Variants in HLCS observed in about 807,000 individuals in gnomAD.
The protein encoded by HLCS is holocarboxylase synthetase, also known as biotin--protein ligase.
A neutral mutation model predicts 75.0 loss-of-function variants in HLCS; 53 were observed. That is an observed-to-expected ratio of 0.71 (90% CI 0.57 to 0.89). The LOEUF (loss-of-function observed/expected upper bound fraction) is 0.89. Ranked by LOEUF, HLCS falls within the 40% of genes least tolerant of loss-of-function variation. The pLI is 0.00. For missense variants in HLCS, 966 were observed against 1,074.0 expected (o/e 0.90, Z 1.41); for synonymous variants, 431 against 428.6 (o/e 1.01, Z -0.07).
chr21:36,974,608 T>A (rs1444954402), intron 1 of HLCS: 1 of 152,212 alleles, frequency 6.6e-6, no homozygotes, highest in Admixed American at 6.5e-5. Flanking sequence ...TAATCTGTTA[T>A]GACTGGTATC....
At chr21:36,806,886 G>A (rs61287652) in intron 6 of HLCS, among the ~76,000 whole-genome samples, 3,593 of 152,210 alleles carry the variant, frequency 0.024, 64 homozygotes, top group Middle Eastern at 0.044. Context: ...AGGTGTCAGC[G>A]GGCACTGTGG....
chr21:36,955,931 C>G (rs1033328041), intron 2 of HLCS, among the ~76,000 whole-genome samples: 1 of 152,154 alleles, frequency 6.6e-6, no homozygotes, highest in African/African-American at 2.4e-5. Flanking sequence ...CCTACAGTAT[C>G]CAATGCAGTA....
At chr21:36,897,178 T>G (rs1288804181) in intron 5 of HLCS, 47 bp from the exon 6 acceptor site, 2 of 1,605,038 alleles carry the variant, frequency 1.2e-6, no homozygotes, top group South Asian at 2.2e-5. Flanking sequence ...TGGCATTACA[T>G]TAGATCATGG....
At position 36,937,170 on chromosome 21, in the gene HLCS, C is replaced by T. The variant is rs1321951753; in HGVS notation, c.716G>A (p.Gly239Glu). 8 of 1,614,040 alleles carry T rather than the reference C, an allele frequency of 5.0e-6. No homozygotes were observed. The highest frequency in any genetic ancestry group is 5.9e-6 in the Non-Finnish European group (7 of 1,180,038). Reference protein sequence around the residue: ...GSEPAGDSDRGGGPVEHYHLH... With the variant: ...GSEPAGDSDREGGPVEHYHLH... ...GTGATAATGCTCAACGGGGCCCCCT[C>T]CCCTGTCACTGTCCCCAGCAGGCTC... Residue 239 changes from glycine to glutamate, a missense_variant, in exon 4 of 11, where the codon GGA (glycine) becomes GAA (glutamate). Gly to Glu is a moderately conservative substitution (Grantham distance 98). Coordinates refer to ENST00000674895, the MANE Select transcript of HLCS (RefSeq NM_001352514.2).
intron 4 of HLCS, among the ~76,000 whole-genome samples, chr21:36,934,436 T>C (rs1569212637): frequency 6.6e-6 from 1 of 152,230 alleles, no homozygotes; most frequent in East Asian, 1.9e-4. Flanking sequence ...TGCCATGTGC[T>C]AAGCTAAACA....
chr21:36,798,053 C>T (rs796492747), intron 6 of HLCS, among the ~76,000 whole-genome samples: 15 of 152,276 alleles, frequency 9.9e-5, no homozygotes, highest in African/African-American at 3.1e-4. Context: ...TGAGCAGAGA[C>T]TTGAAGGAAG....
At chr21:36,889,306 A>G (rs1464778955) in intron 6 of HLCS, among the ~76,000 whole-genome samples, 1 of 152,248 alleles carries the variant, frequency 6.6e-6, no homozygotes, top group Non-Finnish European at 1.5e-5. Flanking sequence ...AAATTGGCGT[A>G]AGCAAGTTTA....
intron 6 of HLCS, among the ~76,000 whole-genome samples, chr21:36,866,781 G>A (rs1001847244): frequency 6.6e-6 from 1 of 151,304 alleles, no homozygotes; most frequent in South Asian, 2.1e-4. Flanking sequence ...GGGTAACTAA[G>A]TAGAAATAAA....
chr21:36,822,392 AGTGACGGAGCCTGG>A (rs940679399), intron 6 of HLCS, among the ~76,000 whole-genome samples: 63 of 152,300 alleles, frequency 4.1e-4, no homozygotes, highest in African/African-American at 1.5e-3. Flanking sequence ...TGTGTGACGC[AGTGACGGAGCCTGG>A]GTGACGGAGC....
At chr21:36,944,938 G>A (rs775509732) in intron 2 of HLCS, among the ~76,000 whole-genome samples, 1 of 152,078 alleles carries the variant, frequency 6.6e-6, no homozygotes, top group Non-Finnish European at 1.5e-5. Flanking sequence ...CTAGTTAACG[G>A]TGAAACCCTG....
intron 6 of HLCS, among the ~76,000 whole-genome samples, chr21:36,861,667 C>CTTATACTTTACTTTTAAA (rs2063386106): frequency 6.6e-6 from 1 of 152,078 alleles, no homozygotes; most frequent in Non-Finnish European, 1.5e-5. Flanking sequence ...TTACTGTGTT[C>CTTATACTTTACTTTTAAA]GTTTGCTTAT....
intron 6 of HLCS, among the ~76,000 whole-genome samples, chr21:36,777,679 T>C (rs79831813): frequency 0.011 from 1,722 of 152,284 alleles, 37 homozygotes; most frequent in African/African-American, 0.037. Flanking sequence ...TCAATTTAGA[T>C]AATCAGATAC....
intron 6 of HLCS, among the ~76,000 whole-genome samples, chr21:36,772,169 G>A (rs1353513220): frequency 6.6e-6 from 1 of 151,784 alleles, no homozygotes; most frequent in Non-Finnish European, 1.5e-5. Context: ...TCTCTTTTTA[G>A]AAAACACAGA....
chr21:36,874,616 A>C (rs1397660828), intron 6 of HLCS, among the ~76,000 whole-genome samples: 1 of 152,148 alleles, frequency 6.6e-6, no homozygotes, highest in Non-Finnish European at 1.5e-5. Flanking sequence ...TCCATTATAG[A>C]ACTTTTGCAT....
chr21:36,771,164 G>A (rs2060193900), intron 6 of HLCS, among the ~76,000 whole-genome samples: 3 of 151,980 alleles, frequency 2.0e-5, no homozygotes, highest in Admixed American at 2.0e-4. Context: ...AGATTGCAGT[G>A]AGCCAAGGTT....
intron 5 of HLCS, among the ~76,000 whole-genome samples, chr21:36,914,119 G>A (rs1284173406): frequency 1.3e-5 from 2 of 152,232 alleles, no homozygotes; most frequent in East Asian, 1.9e-4. Context: ...AGTGCAGCCA[G>A]TGATGAGAAA....
chr21:36,937,735 C>T (rs2066961111), intron 3 of HLCS, among the ~76,000 whole-genome samples: 1 of 152,158 alleles, frequency 6.6e-6, no homozygotes, highest in Non-Finnish European at 1.5e-5. Flanking sequence ...GTGTTATTCT[C>T]CTTCACAATA....
intron 1 of HLCS, among the ~76,000 whole-genome samples, chr21:36,985,351 G>A (rs1482650996): frequency 1.3e-5 from 2 of 152,180 alleles, no homozygotes; most frequent in East Asian, 1.9e-4. Flanking sequence ...AGTCAGCCCC[G>A]GCTGGGCGCG....
intron 6 of HLCS, among the ~76,000 whole-genome samples, chr21:36,807,726 G>T (rs1386684308): frequency 6.6e-6 from 1 of 152,182 alleles, no homozygotes; most frequent in East Asian, 1.9e-4. Flanking sequence ...CTGTTCTGTG[G>T]ATCCGGCTGG....
Sources: allele counts gnomAD v4.1 joint callset (sites outside exome capture counted in the v4.1 genomes callset), GRCh38; gene constraint gnomAD v4.1.1; transcripts MANE v1.5; gene names NCBI Gene and HGNC (gene_info 2026-07-23, HGNC 2026-07-21).